ROBO1: variants seen among roughly 807,000 people sequenced by gnomAD.
The protein encoded by ROBO1 is roundabout homolog 1.
A neutral mutation model predicts 195.9 loss-of-function variants in ROBO1; 149 were observed. The observed-to-expected ratio is 0.76, with a 90% CI of 0.67 to 0.87. The LOEUF (loss-of-function observed/expected upper bound fraction) is 0.87. Ranked by LOEUF, ROBO1 falls within the 40% of genes least tolerant of loss-of-function variation. ROBO1 has a pLI of 0.00. For synonymous variants in ROBO1, 816 were observed against 733.2 expected (o/e 1.11, Z -1.82); for missense variants, 1,933 against 2,068.3 (o/e 0.93, Z 1.27).
intron 26 of ROBO1, among the ~76,000 whole-genome samples, chr3:78,620,497 G>A (rs1704389040): frequency 2.0e-5 from 3 of 152,054 alleles, no homozygotes. Context: ...GGGCGACAGA[G>A]GGAGACTCCG....
intron 3 of ROBO1, among the ~76,000 whole-genome samples, chr3:78,990,289 A>C (rs1030825125): frequency 6.6e-6 from 1 of 152,194 alleles, no homozygotes; most frequent in African/African-American, 2.4e-5. Context: ...CTAATATTCC[A>C]CGATGTTAAA....
intron 1 of ROBO1, among the ~76,000 whole-genome samples, chr3:79,610,037 TATAA>T (rs1016409534): frequency 6.6e-6 from 1 of 151,856 alleles, no homozygotes; most frequent in African/African-American, 2.4e-5. Flanking sequence ...ATTCTAAAAT[TATAA>T]ATAGACTAAA....
chr3:79,523,472 C>CTTTTTTTT (rs11357932), intron 2 of ROBO1, among the ~76,000 whole-genome samples: 1 of 100,438 alleles, frequency 1.0e-5, no homozygotes. Context: ...TTTTTTTTTT[C>CTTTTTTTT]TTTTTTTTTT....
At chr3:79,396,994 T>C (rs538431465) in intron 2 of ROBO1, among the ~76,000 whole-genome samples, 3 of 152,240 alleles carry the variant, frequency 2.0e-5, no homozygotes, top group African/African-American at 7.2e-5. Context: ...AGGGAATTTA[T>C]TTAAGATTTA....
intron 2 of ROBO1, among the ~76,000 whole-genome samples, chr3:79,329,487 T>G (rs1247878958): frequency 6.6e-6 from 1 of 152,176 alleles, no homozygotes; most frequent in East Asian, 1.9e-4. Context: ...GGAAATTAAT[T>G]TGTTTTCTTA....
At chr3:79,531,281 TTA>T (rs1356337647) in intron 2 of ROBO1, among the ~76,000 whole-genome samples, 3 of 152,182 alleles carry the variant, frequency 2.0e-5, no homozygotes, top group Non-Finnish European at 4.4e-5. Flanking sequence ...TATTAATAAA[TTA>T]ATAATATATT....
At chr3:79,053,450 T>A (rs2108373809) in intron 3 of ROBO1, among the ~76,000 whole-genome samples, 1 of 152,106 alleles carries the variant, frequency 6.6e-6, no homozygotes, top group East Asian at 2.0e-4. Context: ...ATGCTAATTC[T>A]TCTCTCTTTA....
intron 2 of ROBO1, among the ~76,000 whole-genome samples, chr3:79,128,608 A>C (rs1481606581): frequency 6.6e-6 from 1 of 152,098 alleles, no homozygotes; most frequent in Non-Finnish European, 1.5e-5. Flanking sequence ...TCAAATCCAT[A>C]CAAACCAATA....
intron 4 of ROBO1, among the ~76,000 whole-genome samples, chr3:78,775,709 A>G (rs1348018704): frequency 6.6e-6 from 1 of 152,240 alleles, no homozygotes; most frequent in Non-Finnish European, 1.5e-5. Context: ...GTGCATGTTC[A>G]GGATACTTCA....
intron 3 of ROBO1, among the ~76,000 whole-genome samples, chr3:79,113,566 G>A (rs773911405): frequency 2.0e-5 from 3 of 151,958 alleles, no homozygotes; most frequent in East Asian, 1.9e-4. Context: ...TCAGGAGTTC[G>A]AGTCCAGCCT....
At chr3:79,413,909 T>A (rs1165836832) in intron 2 of ROBO1, among the ~76,000 whole-genome samples, 1 of 152,096 alleles carries the variant, frequency 6.6e-6, no homozygotes, top group Admixed American at 6.6e-5. Context: ...CAGGGAAGGC[T>A]TTTTATTTTT....
At chr3:78,670,014 A>G in intron 11 of ROBO1, 82 bp downstream of exon 11, 1 of 1,063,694 alleles carries the variant, frequency 9.4e-7, no homozygotes, top group Non-Finnish European at 1.4e-6. Flanking sequence ...TTAATTGCAA[A>G]GTTAGAAATT....
intron 3 of ROBO1, among the ~76,000 whole-genome samples, chr3:78,964,576 T>C (rs571946631): frequency 1.5e-3 from 227 of 152,170 alleles, no homozygotes; most frequent in African/African-American, 5.3e-3. Context: ...TACAGTGACA[T>C]GATGAAAATG....
At chr3:79,074,328 T>C (rs2079135363) in intron 3 of ROBO1, among the ~76,000 whole-genome samples, 1 of 151,932 alleles carries the variant, frequency 6.6e-6, no homozygotes, top group Non-Finnish European at 1.5e-5. Context: ...TATATATAAA[T>C]AGAGAAGTTT....
intron 20 of ROBO1, 31 bp from the exon 21 acceptor site, chr3:78,646,221 T>C: frequency 1.9e-6 from 3 of 1,583,358 alleles, no homozygotes; most frequent in Non-Finnish European, 2.6e-6. Flanking sequence ...AAAGGAACAA[T>C]TAATAGACAT....
chr3:78,820,521 A>T (rs765357940), intron 4 of ROBO1, among the ~76,000 whole-genome samples: 2 of 152,224 alleles, frequency 1.3e-5, no homozygotes, highest in Non-Finnish European at 2.9e-5. Context: ...TCAGATTAGT[A>T]AGAGACCAAA....
At chr3:79,302,530 C>A (rs965193659) in intron 2 of ROBO1, among the ~76,000 whole-genome samples, 1 of 152,104 alleles carries the variant, frequency 6.6e-6, no homozygotes, top group Admixed American at 6.5e-5. Flanking sequence ...CCCTTTCAAT[C>A]AAATTGTGAT....
intron 28 of ROBO1, among the ~76,000 whole-genome samples, chr3:78,610,240 TCTA>T (rs1703730748): frequency 2.0e-5 from 3 of 152,204 alleles, no homozygotes; most frequent in Admixed American, 2.0e-4. Context: ...TCCTCCTTTG[TCTA>T]CTACTTTAAC....
rs147755903 is a variant in ROBO1 at position 79,039,980 on chromosome 3, T to C, written c.172+85476A>G. 2.3e-3 allele frequency among the ~76,000 whole-genome samples: 350 copies of C among 152,190 alleles called. 3 individuals are homozygous for C. Among genetic ancestry groups the C allele is most frequent in the African/African-American group, 7.8e-3 (325 of 41,510 alleles). ...TATAAATTATCTGATATATGGTAAA[T>C]GCTCAATACATAACCATCATTACTT... On this transcript the variant is annotated intron_variant, in intron 3 of 30. Coordinates refer to ENST00000464233, the MANE Select transcript of ROBO1 (RefSeq NM_002941.4).
Sources: allele counts gnomAD v4.1 joint callset (sites outside exome capture counted in the v4.1 genomes callset), GRCh38; gene constraint gnomAD v4.1.1; transcripts MANE v1.5; gene names NCBI Gene and HGNC (gene_info 2026-07-23, HGNC 2026-07-21).